Variants in FAT2 observed in about 807,000 individuals in gnomAD.
FAT2 encodes FAT atypical cadherin 2.
FAT2 carries 150 observed loss-of-function variants against 295.3 expected under a neutral mutation model. The observed-to-expected ratio is 0.51, with a 90% CI of 0.44 to 0.58. The LOEUF is 0.58. FAT2 is among the 20% of genes least tolerant of loss of function. The pLI is 0.00. For missense variants in FAT2, 4,868 were observed against 5,442.7 expected, an observed-to-expected ratio of 0.89 and a Z score of 3.32; for synonymous variants, 2,026 against 2,150.3, an observed-to-expected ratio of 0.94 and a Z score of 1.60.
At chr5:151,538,014 T>C in intron 11 of FAT2, 68 bp from the exon 12 acceptor site, 1 of 1,448,808 alleles carries the variant, frequency 6.9e-7, no homozygotes, top group Non-Finnish European at 9.5e-7. Flanking sequence ...AGAAGCAGAG[T>C]GACTGACTGA....
Position 151,545,710 on chromosome 5 carries a change from T to C in FAT2, c.5417A>G (p.Glu1806Gly), listed in dbSNP as rs1937528248. The C allele has an allele frequency of 6.2e-7, 1 of 1,614,122 alleles. No homozygotes were observed. The highest frequency in any genetic ancestry group is 8.5e-7 in the Non-Finnish European group (1 of 1,180,032). Residue 1806 changes from glutamate to glycine, a missense_variant, in exon 10 of 24, where the codon GAG (glutamate) becomes GGG (glycine). Glu to Gly is a moderately conservative substitution (Grantham distance 98, BLOSUM62 -2). This residue lies in a region of FAT2 where 3,297 missense variants were observed against 3,669.4 expected (regional missense o/e 0.90). Transcript: ENST00000261800. ...TTTGAAAAACTTCAAGGCCTCCGGC[T>C]CCAAAATTTTATAGACCAACAAGGA... ...ANSLLVYKIL[E>G]PEALKFFKID...
intron 9 of FAT2, among the ~76,000 whole-genome samples, chr5:151,547,719 G>A (rs553389318): frequency 6.6e-6 from 1 of 152,234 alleles, no homozygotes; most frequent in South Asian, 2.1e-4. Context: ...CAACCTACAT[G>A]TGATTCCGAT....
Position 151,567,852 on chromosome 5 carries a change from G to C in FAT2, c.1080C>G (p.Leu360=), listed in dbSNP as rs1269864082. The C allele has an allele frequency of 1.9e-6, 3 of 1,614,188 alleles. No homozygotes were observed. The highest frequency in any genetic ancestry group is 2.5e-6 in the Non-Finnish European group (3 of 1,180,028). The part of the protein sequence containing the change: ...FHLPPSKLSS[L]KFEKAVYRVQ... ...CTCTGTAAACAGCCTTCTCGAATTT[G>C]AGGGAAGACAGTTTGGAAGGTGGTA... The change falls in exon 2 of 24, where the codon CTC becomes CTG. Residue 360 remains leucine, a synonymous_variant. Transcript: ENST00000261800.
chr5:151,565,647 A>ACCGCCCC, intron 2 of FAT2, 26 bp downstream of exon 2: 9 of 1,461,024 alleles, frequency 6.2e-6, no homozygotes, highest in Non-Finnish European at 7.4e-6. Flanking sequence ...TGGCCCTGGC[A>ACCGCCCC]CCCCACCCTA....
At chr5:151,560,020 A>G (rs996379553) in intron 3 of FAT2, among the ~76,000 whole-genome samples, 1 of 152,134 alleles carries the variant, frequency 6.6e-6, no homozygotes, top group African/African-American at 2.4e-5. Context: ...ACCCTATCTC[A>G]GACCCATATA....
chr5:151,580,646 G>A (rs1288667742), intron 1 of FAT2, among the ~76,000 whole-genome samples: 1 of 152,142 alleles, frequency 6.6e-6, no homozygotes, highest in Non-Finnish European at 1.5e-5. Flanking sequence ...TCTTTGCAGT[G>A]ATTTGCAGCA....
chr5:151,562,839 T>A (rs1487586294), intron 3 of FAT2, among the ~76,000 whole-genome samples: 1 of 152,224 alleles, frequency 6.6e-6, no homozygotes, highest in Non-Finnish European at 1.5e-5. Context: ...GGGCAGGTGC[T>A]CCTGAGATGG....
chr5:151,544,487 T>G lies in FAT2; in HGVS notation c.6640A>C (p.Met2214Leu), dbSNP rs761713305. ...IYNIVEEEPLMLFTTDFKTGV... is the reference protein window; with the variant it reads ...IYNIVEEEPLLLFTTDFKTGV... ...GTCTTGAAGTCAGTGGTGAACAGCA[T>G]CAAGGGTTCTTCCTCCACAATGTTG... The change falls in exon 10 of 24, where the codon ATG becomes CTG. Residue 2214 changes from methionine to leucine, a missense_variant. Coordinates refer to ENST00000261800, the MANE Select transcript of FAT2 (RefSeq NM_001447.3). The G allele has an allele frequency of 5.8e-5, 93 of 1,614,030 alleles. No individual in the cohort carries two copies. The East Asian group carries it at 2.0e-3, about 34-fold the overall frequency.
chr5:151,521,666 G>C lies in FAT2; in HGVS notation c.10927C>G (p.Leu3643Val). 6.2e-7 allele frequency: 1 copy of C among 1,614,052 alleles called. No individual in the cohort carries two copies. The highest frequency in any genetic ancestry group is 8.5e-7 in the Non-Finnish European group (1 of 1,180,040). ...AGGTTCCGCCAGTGGTCACTCACCA[G>C]CTCCTCGGGGGTGAGCTGGTAGAAG... ...MGFYQLTPEE[L>V]VSDHWRNLQR... is the part of the protein sequence containing the mutation. Residue 3643 changes from leucine to valine, a missense_variant, in exon 19 of 24, where the codon CTG becomes GTG. Transcript: ENST00000261800.
In FAT2 at chr5:151,512,250, G is replaced by C. The variant is rs779141052; in HGVS notation, c.11820C>G (p.Ala3940=). The C allele has an allele frequency of 5.0e-6, 8 of 1,614,204 alleles. No individual in the cohort carries two copies. The change falls in exon 21 of 24, where the codon GCC becomes GCG. Residue 3940 remains alanine (A), a synonymous_variant. Coordinates refer to ENST00000261800, the MANE Select transcript of FAT2 (RefSeq NM_001447.3). The surrounding 1 kb of genome is among the most constrained non-coding windows in gnomAD (Gnocchi z 4.1). ...CACTGTGGAGGCAGCACTGGGTGAGGGCTTGTGTCTCCAGCAAGCCTGCCA... is the reference window on the plus strand; with the variant it reads ...CACTGTGGAGGCAGCACTGGGTGAGCGCTTGTGTCTCCAGCAAGCCTGCCA... ...KTVAGLLETQ[A]LTQCCLHSDY...
At chr5:151,540,904 T>C in intron 10 of FAT2, 141 bp from the exon 11 acceptor site, 1 of 646,858 alleles carries the variant, frequency 1.5e-6, no homozygotes, top group Non-Finnish European at 2.4e-6. Context: ...GAACCCACGA[T>C]TCTACACTGA....
Position 151,505,301 on chromosome 5 carries a change from G to C in FAT2, c.*264C>G, listed in dbSNP as rs746381406. 3.4e-5 allele frequency: 18 copies of C among 535,206 alleles called. No individual in the cohort carries two copies. The highest frequency in any genetic ancestry group is 5.6e-5 in the Non-Finnish European group (17 of 305,926). The allele number at this position is 535,206 out of a possible 1,614,324, so 33.2% of individuals were successfully genotyped here. On this transcript the variant is annotated 3_prime_UTR_variant, in exon 24 of 24. Coordinates refer to ENST00000261800, the MANE Select transcript of FAT2 (RefSeq NM_001447.3). ...CTCTCGCCCACCCCGGGAGTCAATTGTTCCTGGTTTTCCAGGGTCACTGCT... is the reference window on the plus strand; with the variant it reads ...CTCTCGCCCACCCCGGGAGTCAATTCTTCCTGGTTTTCCAGGGTCACTGCT...
At position 151,507,193 on chromosome 5, in the gene FAT2, C is replaced by T. The variant is rs972570293; in HGVS notation, c.12478G>A (p.Glu4160Lys). The T allele has an allele frequency of 8.1e-6, 13 of 1,606,452 alleles. No individual in the cohort carries two copies. Among genetic ancestry groups the T allele is most frequent in the Middle Eastern group, 1.7e-4 (1 of 6,024 alleles). ...PAAVPSHSDN[E>K]PVIKRTWSSE... Reference sequence around the variant, plus strand: ...GACCAGGTTCTCTTAATGACAGGCTCATTGTCAGAGTGGGAAGGGACCGCA... The same window carrying T: ...GACCAGGTTCTCTTAATGACAGGCTTATTGTCAGAGTGGGAAGGGACCGCA... Residue 4160 changes from glutamate (E) to lysine (K), a missense_variant, in exon 23 of 24, where the codon GAG becomes AAG. This residue lies in a region of FAT2 where 492 missense variants were observed against 482.6 expected (regional missense o/e 1.02). Coordinates refer to ENST00000261800, the MANE Select transcript of FAT2 (RefSeq NM_001447.3).
Position 151,534,638 on chromosome 5 carries a change from C to G in FAT2, c.9198G>C (p.Glu3066Asp). 6.2e-7 allele frequency: 1 copy of G among 1,603,694 alleles called. No homozygotes were observed. Among genetic ancestry groups the G allele is most frequent in the Non-Finnish European group, 8.5e-7 (1 of 1,171,300 alleles). Reference sequence around the variant, plus strand: ...GGTCTAGGGCAGTGAGTGTGGTCAGCTCCCCTGGTCGGAGAAATGACAAAA... The same window carrying G: ...GGTCTAGGGCAGTGAGTGTGGTCAGGTCCCCTGGTCGGAGAAATGACAAAA... ...HEFKLDPHTG[E>D]LTTLTALDRE... is the part of the protein sequence containing the mutation. The change falls in exon 13 of 24, where the codon GAG becomes GAC. Residue 3066 changes from glutamate to aspartate, a missense_variant. Glu to Asp is a conservative substitution (Grantham distance 45). Around this residue, in one of 5 missense-constraint regions of FAT2, gnomAD observed 1,046 missense variants for 1,210.1 expected, o/e 0.86. Transcript: ENST00000261800.
At position 151,506,032 on chromosome 5, in the gene FAT2, G is replaced by A; in HGVS notation, c.12583C>T (p.His4195Tyr). 1.3e-6 allele frequency: 2 copies of A among 1,569,076 alleles called. No individual in the cohort carries two copies. The highest frequency in any genetic ancestry group is 1.7e-6 in the Non-Finnish European group (2 of 1,162,402). The stretch of plus-strand genomic sequence containing the variant: ...AGAGGGCCCTGAGTCACTTCGGAGT[G>A]GGGGTATTCCCAGCGTTCGTTCCTG... ...YSRNERWEYP[H>Y]SEVTQGPLPP... Residue 4195 changes from histidine to tyrosine, a missense_variant, in exon 24 of 24, where the codon CAC becomes TAC. Coordinates refer to ENST00000261800, the MANE Select transcript of FAT2 (RefSeq NM_001447.3).
chr5:151,506,774 G>A (rs577759590), intron 23 of FAT2, among the ~76,000 whole-genome samples: 1 of 152,328 alleles, frequency 6.6e-6, no homozygotes, highest in African/African-American at 2.4e-5. Flanking sequence ...CTGGCCCAAG[G>A]CTGCTGCACT....
At chr5:151,507,692 A>G (rs920052693) in intron 22 of FAT2, 81 bp from the exon 23 acceptor site, 1 of 1,302,360 alleles carries the variant, frequency 7.7e-7, no homozygotes, top group Non-Finnish European at 1.0e-6. Context: ...TATGGGATAG[A>G]GACTGCTCCC....
At chr5:151,530,809 G>A (rs1754509313) in intron 14 of FAT2, among the ~76,000 whole-genome samples, 1 of 152,220 alleles carries the variant, frequency 6.6e-6, no homozygotes, top group African/African-American at 2.4e-5. Context: ...AGGGTAAAGA[G>A]GAAACCAGGC....
chr5:151,544,951 G>C lies in FAT2; in HGVS notation c.6176C>G (p.Ser2059Cys), dbSNP rs188036228. The C allele has an allele frequency of 1.2e-6, 2 of 1,614,160 alleles. No individual in the cohort carries two copies. The highest frequency in any genetic ancestry group is 1.7e-5 in the Admixed American group (1 of 60,030). Residue 2059 changes from serine to cysteine, a missense_variant, in exon 10 of 24, where the codon TCT becomes TGT. Ser to Cys is a moderately radical substitution (Grantham distance 112, BLOSUM62 -1). Around this residue, in one of 5 missense-constraint regions of FAT2, gnomAD observed 3,297 missense variants for 3,669.4 expected, o/e 0.90. Coordinates refer to ENST00000261800, the MANE Select transcript of FAT2 (RefSeq NM_001447.3). ...GGGATTGTCATTGACATCCTCAATAGAGACTCTGACCAAACCCTGAGCCAC... is the reference window on the plus strand; with the variant it reads ...GGGATTGTCATTGACATCCTCAATACAGACTCTGACCAAACCCTGAGCCAC... ...QRVAQGLVRV[S>C]IEDVNDNPPK...
Sources: gnomAD v4.1 joint callset for allele counts (sites outside exome capture counted in the v4.1 genomes callset) on GRCh38, gnomAD v4.1.1 for gene constraint, gnomAD v4.1.1 regional missense constraint, Gnocchi (gnomAD v3.1) non-coding constraint, MANE v1.5 for transcripts, NCBI Gene and HGNC (gene_info 2026-07-23, HGNC 2026-07-21) for gene names.